Variants in EPHA3 observed in about 807,000 individuals in gnomAD.
The protein encoded by EPHA3 is ephrin type-A receptor 3.
A neutral mutation model predicts 107.1 loss-of-function variants in EPHA3; 42 were observed. That is an observed-to-expected ratio of 0.39 (90% CI 0.31 to 0.51). The LOEUF is 0.51. EPHA3 is among the 20% of genes least tolerant of loss of function. The pLI is 0.78. For missense variants in EPHA3, 1,183 were observed against 1,211.2 expected, an observed-to-expected ratio of 0.98 and a Z score of 0.35; for synonymous variants, 461 against 424.8, an observed-to-expected ratio of 1.09 and a Z score of -1.05.
At chr3:89,362,422 C>T (rs1708111596) in intron 5 of EPHA3, among the ~76,000 whole-genome samples, 1 of 151,026 alleles carries the variant, frequency 6.6e-6, no homozygotes, top group African/African-American at 2.4e-5. Flanking sequence ...AGCTGTCTTT[C>T]TATTGCAGTT....
chr3:89,237,708 A>G (rs758831033), intron 3 of EPHA3, among the ~76,000 whole-genome samples: 4 of 151,986 alleles, frequency 2.6e-5, no homozygotes, highest in Non-Finnish European at 4.4e-5. Flanking sequence ...GCTCACACCT[A>G]TAATTCCAGC....
intron 13 of EPHA3, among the ~76,000 whole-genome samples, chr3:89,433,385 A>G (rs545852862): frequency 1.1e-4 from 17 of 152,282 alleles, no homozygotes; most frequent in Admixed American, 9.2e-4. Flanking sequence ...ATATCATGCT[A>G]TAATAAAGAA....
intron 5 of EPHA3, among the ~76,000 whole-genome samples, chr3:89,346,618 T>C (rs535413694): frequency 1.3e-5 from 2 of 150,918 alleles, no homozygotes; most frequent in Non-Finnish European, 3.0e-5. Context: ...AGCTCTTTAT[T>C]TTAATTAGAT....
In EPHA3 at chr3:89,320,295, A is replaced by G. The variant is rs562066460; in HGVS notation, c.815-20621A>G. Among the ~76,000 whole-genome samples, 7 of 152,118 alleles carry G rather than the reference A, an allele frequency of 4.6e-5. No individual in the cohort carries two copies. In the East Asian group the frequency reaches 1.2e-3, roughly 25 times the overall value. ...ACTTCCTCTGGTGCAGCAGCATTTCAGTGGCCTCCAGCTGGGTCAGAATAG... is the reference window on the plus strand; with the variant it reads ...ACTTCCTCTGGTGCAGCAGCATTTCGGTGGCCTCCAGCTGGGTCAGAATAG... On this transcript the variant is annotated intron_variant, in intron 3 of 16. Transcript: ENST00000336596.
At chr3:89,268,485 A>G (rs1349596950) in intron 3 of EPHA3, among the ~76,000 whole-genome samples, 2 of 151,814 alleles carry the variant, frequency 1.3e-5, no homozygotes, top group African/African-American at 4.8e-5. Context: ...TCCAAATTTT[A>G]TTTTCCTTTT....
chr3:89,400,315 C>T (rs577738487), intron 7 of EPHA3: 1 of 163,216 alleles, frequency 6.1e-6, no homozygotes, highest in East Asian at 1.6e-4. Flanking sequence ...GCCATTCTCC[C>T]CCTCAGCCTC....
chr3:89,272,000 T>A (rs1005430179), intron 3 of EPHA3, among the ~76,000 whole-genome samples: 2 of 152,044 alleles, frequency 1.3e-5, no homozygotes, highest in Non-Finnish European at 2.9e-5. Flanking sequence ...AGCAAATATA[T>A]TTTTTCTTCC....
chr3:89,317,382 C>T (rs920284890), intron 3 of EPHA3, among the ~76,000 whole-genome samples: 2 of 151,672 alleles, frequency 1.3e-5, no homozygotes, highest in Non-Finnish European at 2.9e-5. Context: ...AAATCTGGCC[C>T]TGCACTGCCA....
chr3:89,314,111 G>A (rs1706836503), intron 3 of EPHA3, among the ~76,000 whole-genome samples: 1 of 151,788 alleles, frequency 6.6e-6, no homozygotes, highest in African/African-American at 2.4e-5. Context: ...CTGCTATCAT[G>A]GAATTTTTCA....
At chr3:89,307,888 A>G (rs1490513649) in intron 3 of EPHA3, among the ~76,000 whole-genome samples, 1 of 152,082 alleles carries the variant, frequency 6.6e-6, no homozygotes, top group Non-Finnish European at 1.5e-5. Flanking sequence ...CCTTTTTTCC[A>G]TGTACTTCCA....
At chr3:89,349,555 C>G (rs1322427079) in intron 5 of EPHA3, among the ~76,000 whole-genome samples, 2 of 148,476 alleles carry the variant, frequency 1.3e-5, no homozygotes, top group African/African-American at 5.0e-5. Context: ...ACTGATGGGT[C>G]TTGACTCTTT....
At chr3:89,394,319 G>A (rs993153197) in intron 5 of EPHA3, among the ~76,000 whole-genome samples, 2 of 152,246 alleles carry the variant, frequency 1.3e-5, no homozygotes, top group African/African-American at 4.8e-5. Flanking sequence ...CTTTAGCCTG[G>A]GAGGTGGAGG....
intron 11 of EPHA3, among the ~76,000 whole-genome samples, chr3:89,422,311 C>A (rs1709366773): frequency 6.7e-6 from 1 of 149,674 alleles, no homozygotes; most frequent in East Asian, 2.0e-4. Flanking sequence ...CTAAAACAAT[C>A]CACCTGCAGA....
At chr3:89,128,596 A>G (rs1298176742) in intron 2 of EPHA3, among the ~76,000 whole-genome samples, 5 of 151,782 alleles carry the variant, frequency 3.3e-5, no homozygotes, top group Non-Finnish European at 5.9e-5. Flanking sequence ...GCTTCAGGAT[A>G]TAAGAAAAGC....
chr3:89,233,522 C>T (rs1324229619), intron 3 of EPHA3, among the ~76,000 whole-genome samples: 1 of 152,112 alleles, frequency 6.6e-6, no homozygotes, highest in Non-Finnish European at 1.5e-5. Context: ...CTTCTACCTC[C>T]CCTGCTGAGC....
At chr3:89,201,662 T>G (rs1381109210) in intron 2 of EPHA3, among the ~76,000 whole-genome samples, 1 of 152,186 alleles carries the variant, frequency 6.6e-6, no homozygotes, top group Non-Finnish European at 1.5e-5. Flanking sequence ...TTTCATGAAT[T>G]TTTCTTAAAT....
chr3:89,179,646 T>G (rs886566969), intron 2 of EPHA3, among the ~76,000 whole-genome samples: 17 of 143,920 alleles, frequency 1.2e-4, no homozygotes, highest in Admixed American at 3.7e-4. Context: ...GTTCAAATGT[T>G]GCCAATATTT....
intron 5 of EPHA3, among the ~76,000 whole-genome samples, chr3:89,367,951 G>C (rs1327307688): frequency 6.6e-6 from 1 of 150,524 alleles, no homozygotes; most frequent in Non-Finnish European, 1.5e-5. Flanking sequence ...TACTTCATAT[G>C]CATTTAATCT....
intron 15 of EPHA3, among the ~76,000 whole-genome samples, chr3:89,453,431 T>C (rs1267528776): frequency 6.6e-6 from 1 of 152,156 alleles, no homozygotes; most frequent in African/African-American, 2.4e-5. Context: ...CAAATACTTT[T>C]TCTTATATAT....
Sources: gnomAD v4.1 joint callset for allele counts (sites outside exome capture counted in the v4.1 genomes callset) on GRCh38, gnomAD v4.1.1 for gene constraint, MANE v1.5 for transcripts, NCBI Gene and HGNC (gene_info 2026-07-23, HGNC 2026-07-21) for gene names.